Variants in KANSL1L observed in about 807,000 individuals in gnomAD.
KANSL1L encodes the protein KAT8 regulatory NSL complex subunit 1-like protein.
In KANSL1L, 25 loss-of-function variants were observed where a neutral mutation model predicts 108.6. The observed-to-expected ratio is 0.23, with a 90% CI of 0.17 to 0.32. KANSL1L has a LOEUF of 0.32. Ranked by LOEUF, KANSL1L falls within the 10% of genes least tolerant of loss-of-function variation. The pLI, the probability that KANSL1L is intolerant of heterozygous loss-of-function variation, is 1.00. For synonymous variants in KANSL1L, 405 were observed against 395.1 expected (o/e 1.03, Z -0.30); for missense variants, 1,137 against 1,125.7 (o/e 1.01, Z -0.14).
intron 8 of KANSL1L, among the ~76,000 whole-genome samples, chr2:210,039,205 T>A (rs1242954423): frequency 6.6e-6 from 1 of 151,918 alleles, no homozygotes; most frequent in African/African-American, 2.4e-5. Flanking sequence ...CTGATTAGGA[T>A]TATATTCTAC....
intron 2 of KANSL1L, chr2:210,151,882 A>T (rs2095306281): frequency 6.6e-6 from 1 of 152,234 alleles, no homozygotes; most frequent in Non-Finnish European, 1.5e-5. Context: ...TCTCACTATA[A>T]AAACTAATAT....
chr2:210,075,801 A>G, intron 5 of KANSL1L, 45 bp from the exon 6 acceptor site: 5 of 1,374,452 alleles, frequency 3.6e-6, no homozygotes, highest in Non-Finnish European at 5.1e-6. Flanking sequence ...GGAATAAAAC[A>G]AAACAAAACA....
At chr2:210,167,965 T>C (rs1000038238) in intron 1 of KANSL1L, among the ~76,000 whole-genome samples, 8 of 152,036 alleles carry the variant, frequency 5.3e-5, no homozygotes, top group Non-Finnish European at 8.8e-5. Flanking sequence ...AAACAACATT[T>C]AAAAGAAAAA....
chr2:210,112,389 T>C (rs2094915859), intron 3 of KANSL1L, among the ~76,000 whole-genome samples: 1 of 151,974 alleles, frequency 6.6e-6, no homozygotes, highest in Non-Finnish European at 1.5e-5. Context: ...AAAAGAAAAA[T>C]AATCACATTG....
chr2:210,026,833 C>G (rs1055672603), intron 12 of KANSL1L, among the ~76,000 whole-genome samples: 1 of 152,018 alleles, frequency 6.6e-6, no homozygotes, highest in East Asian at 1.9e-4. Flanking sequence ...TGCAGTGGTG[C>G]GATCTCGGCT....
intron 2 of KANSL1L, among the ~76,000 whole-genome samples, chr2:210,132,255 A>G (rs1385056927): frequency 6.6e-6 from 1 of 152,238 alleles, no homozygotes; most frequent in Non-Finnish European, 1.5e-5. Context: ...AATGGTTTAC[A>G]TAACTTACAG....
intron 6 of KANSL1L, among the ~76,000 whole-genome samples, chr2:210,053,866 T>C (rs1384158165): frequency 6.6e-6 from 1 of 151,924 alleles, no homozygotes; most frequent in Non-Finnish European, 1.5e-5. Context: ...CTAATATAGA[T>C]AAAGAGCTCC....
intron 3 of KANSL1L, among the ~76,000 whole-genome samples, chr2:210,124,539 A>T (rs569680567): frequency 7.6e-4 from 116 of 151,904 alleles, no homozygotes; most frequent in Admixed American, 2.0e-3. Context: ...CTTGACATTT[A>T]AAAAAAACAA....
intron 5 of KANSL1L, among the ~76,000 whole-genome samples, chr2:210,093,652 A>G (rs965707545): frequency 6.6e-6 from 1 of 152,194 alleles, no homozygotes; most frequent in Non-Finnish European, 1.5e-5. Context: ...TTGGCAATTA[A>G]TATTTGCTAA....
chr2:210,078,296 T>A (rs543091383), intron 5 of KANSL1L, among the ~76,000 whole-genome samples: 26 of 152,334 alleles, frequency 1.7e-4, no homozygotes, highest in African/African-American at 6.0e-4. Flanking sequence ...TGGTCCTTCG[T>A]TGACTAGAAA....
At chr2:210,064,317 A>G (rs571750128) in intron 6 of KANSL1L, 16 of 152,318 alleles carry the variant, frequency 1.1e-4, no homozygotes, top group African/African-American at 3.6e-4. Flanking sequence ...TGCCTGACAC[A>G]TAATTGCTTA....
At chr2:210,059,954 G>A (rs2125268276) in intron 6 of KANSL1L, among the ~76,000 whole-genome samples, 1 of 152,214 alleles carries the variant, frequency 6.6e-6, no homozygotes, top group Non-Finnish European at 1.5e-5. Flanking sequence ...AGTTAGCCAG[G>A]TTGGTCTCGA....
At chr2:210,158,199 A>G (rs1264265921) in intron 1 of KANSL1L, among the ~76,000 whole-genome samples, 1 of 152,144 alleles carries the variant, frequency 6.6e-6, no homozygotes, top group Non-Finnish European at 1.5e-5. Flanking sequence ...AGGTGATAAG[A>G]TGACTTCTGA....
intron 2 of KANSL1L, among the ~76,000 whole-genome samples, chr2:210,148,644 C>A (rs1262103726): frequency 6.6e-6 from 1 of 152,140 alleles, no homozygotes; most frequent in Non-Finnish European, 1.5e-5. Context: ...TTATTAAAGT[C>A]CGTTAGTAAT....
At chr2:210,091,562 T>C (rs2094693248) in intron 5 of KANSL1L, among the ~76,000 whole-genome samples, 1 of 152,126 alleles carries the variant, frequency 6.6e-6, no homozygotes, top group Non-Finnish European at 1.5e-5. Context: ...TATGTGAAGC[T>C]CTTCTATTAT....
At chr2:210,065,228 T>G (rs931747086) in intron 6 of KANSL1L, among the ~76,000 whole-genome samples, 1 of 126,666 alleles carries the variant, frequency 7.9e-6, no homozygotes, top group African/African-American at 3.0e-5. Flanking sequence ...GAGGCGGAGG[T>G]TGCAGTGAGC....
chr2:210,121,500 T>C (rs1410229137), intron 3 of KANSL1L, among the ~76,000 whole-genome samples: 1 of 152,052 alleles, frequency 6.6e-6, no homozygotes, highest in South Asian at 2.1e-4. Context: ...TTTTGGAGAA[T>C]GGAGGGTGCG....
intron 5 of KANSL1L, among the ~76,000 whole-genome samples, chr2:210,093,945 T>C (rs2094713950): frequency 6.6e-6 from 1 of 152,160 alleles, no homozygotes; most frequent in African/African-American, 2.4e-5. Context: ...TTATGCTAAG[T>C]ACAATAAGTT....
chr2:210,153,441 T>A (rs954567756), intron 2 of KANSL1L, 54 bp downstream of exon 2: 27 of 1,331,998 alleles, frequency 2.0e-5, no homozygotes, highest in Non-Finnish European at 2.4e-5. Context: ...GAAACTAAGA[T>A]AATTGCTGCT....
Sources: allele counts gnomAD v4.1 joint callset (sites outside exome capture counted in the v4.1 genomes callset), GRCh38; gene constraint gnomAD v4.1.1; transcripts MANE v1.5; gene names NCBI Gene and HGNC (gene_info 2026-07-23, HGNC 2026-07-21).